The following PTPRN2 variants were observed in gnomAD, a reference collection of about 807,000 sequenced individuals.
PTPRN2 encodes receptor-type tyrosine-protein phosphatase N2.
In PTPRN2, 74 loss-of-function variants were observed where a neutral mutation model predicts 118.8. The ratio of observed to expected loss-of-function variants is 0.62; its 90% CI spans 0.52 to 0.76. The LOEUF is 0.76. PTPRN2 is among the 30% of genes least tolerant of loss of function. PTPRN2 has a pLI of 0.00. For synonymous variants in PTPRN2, 641 were observed against 608.0 expected (o/e 1.05, Z -0.80); for missense variants, 1,481 against 1,394.4 (o/e 1.06, Z -0.99).
intron 11 of PTPRN2, among the ~76,000 whole-genome samples, chr7:158,010,765 C>A (rs1320531068): frequency 2.0e-5 from 3 of 152,186 alleles, no homozygotes; most frequent in African/African-American, 4.8e-5. Context: ...TATTTCTCTG[C>A]TGCCTTACAC....
rs765283943 is a variant in PTPRN2 at position 158,157,144 on chromosome 7, G to GC, written c.910+9786dup. Among the ~76,000 whole-genome samples, 45 of 151,716 alleles carry GC rather than the reference G, an allele frequency of 3.0e-4. 1 individual carries two copies. The highest frequency in any genetic ancestry group is 1.2e-3 in the Admixed American group (18 of 15,208). On this transcript the variant is annotated intron_variant, in intron 6 of 22. Coordinates refer to ENST00000389418, the MANE Select transcript of PTPRN2 (RefSeq NM_002847.5). ...CGCCTGTTCCATGTGGCTCTGGAAG[G>GC]CCTCCCCATTGTGCTAACACAGCAG...
chr7:157,598,849 C>G lies in PTPRN2; in HGVS notation c.2419-3534G>C, dbSNP rs1260125406. ...GGCCAAGCATCTGAATGGCGAGGTG[C>G]GGTCATTTCTGAGCGCTTTCTCCCC... On this transcript the variant is annotated intron_variant, in intron 16 of 22. Coordinates refer to ENST00000389418, the MANE Select transcript of PTPRN2 (RefSeq NM_002847.5). This position sits in a 1 kb window ranked among gnomAD's most constrained non-coding sequence, Gnocchi z 5.2. Among the ~76,000 whole-genome samples, 2 of 152,116 alleles carry G rather than the reference C, an allele frequency of 1.3e-5. No homozygotes were observed. Among genetic ancestry groups the G allele is most frequent in the African/African-American group, 4.8e-5 (2 of 41,396 alleles).
intron 10 of PTPRN2, among the ~76,000 whole-genome samples, chr7:158,103,449 T>C (rs1286658047): frequency 1.3e-5 from 2 of 152,216 alleles, no homozygotes; most frequent in Non-Finnish European, 2.9e-5. Context: ...TCAGGAAAAC[T>C]GCACTTTCTG....
intron 2 of PTPRN2, among the ~76,000 whole-genome samples, chr7:158,361,936 C>A (rs1451792711): frequency 2.0e-5 from 3 of 152,184 alleles, no homozygotes; most frequent in Non-Finnish European, 4.4e-5. Flanking sequence ...CTGGACCCTG[C>A]CTATGGAGCT....
chr7:157,680,200 A>G (rs1245135732), intron 13 of PTPRN2, among the ~76,000 whole-genome samples: 2 of 152,216 alleles, frequency 1.3e-5, no homozygotes, highest in African/African-American at 4.8e-5. Flanking sequence ...CCCATGAAAT[A>G]AAGCATAAGA....
In PTPRN2 at chr7:158,438,170, G is replaced by A. The variant is rs888114142; in HGVS notation, c.163+51565C>T. Among the ~76,000 whole-genome samples, 1 of 152,152 alleles carries A rather than the reference G, an allele frequency of 6.6e-6. No individual in the cohort carries two copies. The highest frequency in any genetic ancestry group is 1.5e-5 in the Non-Finnish European group (1 of 68,024). On this transcript the variant is annotated intron_variant, in intron 2 of 22. Coordinates refer to ENST00000389418, the MANE Select transcript of PTPRN2 (RefSeq NM_002847.5). This position sits in a 1 kb window ranked among gnomAD's most constrained non-coding sequence, Gnocchi z 4.7. ...AGGTGGGCGGATCACCTGAGGTCAG[G>A]AATTTGAGACCAGCCTGGCCAACAT...
At chr7:157,644,568 CA>C (rs774677840) in intron 14 of PTPRN2, among the ~76,000 whole-genome samples, 2 of 152,176 alleles carry the variant, frequency 1.3e-5, no homozygotes, top group African/African-American at 4.8e-5. Flanking sequence ...GAGGCTGAGG[CA>C]GGCGGATCAC....
chr7:158,417,246 CTGTGT>C (rs1814750580), intron 2 of PTPRN2, among the ~76,000 whole-genome samples: 1 of 152,162 alleles, frequency 6.6e-6, no homozygotes, highest in South Asian at 2.1e-4. Flanking sequence ...CAGTGTCCTG[CTGTGT>C]TAAGTCATGG....
chr7:158,070,907 G>A (rs1219891004), intron 11 of PTPRN2, among the ~76,000 whole-genome samples: 1 of 134,592 alleles, frequency 7.4e-6, no homozygotes, highest in Non-Finnish European at 1.6e-5. Flanking sequence ...TGGTAGTGGA[G>A]GTGCCCATGG....
chr7:158,494,200 G>A (rs908355203), intron 1 of PTPRN2, among the ~76,000 whole-genome samples: 10 of 152,196 alleles, frequency 6.6e-5, no homozygotes, highest in African/African-American at 9.7e-5. Context: ...GAGGAAGCTC[G>A]GCACATCCTG....
chr7:158,179,681 G>A (rs995020495), intron 5 of PTPRN2, among the ~76,000 whole-genome samples: 2 of 152,094 alleles, frequency 1.3e-5, no homozygotes, highest in African/African-American at 4.8e-5. Flanking sequence ...AGATAATGAG[G>A]TAGGAGGCAG....
In PTPRN2 at chr7:157,986,819, G is replaced by A. The variant is rs950843547; in HGVS notation, c.1724-88082C>T. On this transcript the variant is annotated intron_variant, in intron 11 of 22. Coordinates refer to ENST00000389418, the MANE Select transcript of PTPRN2 (RefSeq NM_002847.5). The surrounding 1 kb of genome is among the most constrained non-coding windows in gnomAD (Gnocchi z 4.5). ...AGACATTTTGGAGCAGGTGGTCGGT[G>A]CCCACCCACTGACAGGAGCTGCCGG... 2.6e-5 allele frequency among the ~76,000 whole-genome samples: 4 copies of A among 152,088 alleles called. No individual in the cohort carries two copies. The highest frequency in any genetic ancestry group is 7.2e-5 in the African/African-American group (3 of 41,414).
intron 3 of PTPRN2, among the ~76,000 whole-genome samples, chr7:158,226,996 ATGAC>A: frequency 6.6e-6 from 1 of 152,134 alleles, no homozygotes; most frequent in East Asian, 1.9e-4. Flanking sequence ...GAAGCTGAAG[ATGAC>A]TGACTGCCAA....
intron 12 of PTPRN2, among the ~76,000 whole-genome samples, chr7:157,846,874 GC>G (rs1808854619): frequency 6.6e-6 from 1 of 151,382 alleles, no homozygotes. Flanking sequence ...CATCACGTGT[GC>G]CCGATGTTTA....
intron 14 of PTPRN2, among the ~76,000 whole-genome samples, chr7:157,649,751 G>A (rs1481105644): frequency 2.0e-5 from 3 of 150,424 alleles, no homozygotes; most frequent in African/African-American, 4.9e-5. Context: ...TGAACTCGGT[G>A]GGTCAGACCC....
chr7:157,579,952 CTG>C (rs2150530866), intron 17 of PTPRN2, among the ~76,000 whole-genome samples: 1 of 152,368 alleles, frequency 6.6e-6, no homozygotes, highest in East Asian at 1.9e-4. Context: ...ATTTCTCCAT[CTG>C]TTTCCAGCCT....
chr7:157,677,903 C>A (rs571196914), intron 13 of PTPRN2, among the ~76,000 whole-genome samples: 2 of 152,118 alleles, frequency 1.3e-5, no homozygotes, highest in African/African-American at 4.8e-5. Context: ...GAGGGAGGCA[C>A]GGCCTTGCCC....
At chr7:157,650,763 G>A (rs1029682351) in intron 14 of PTPRN2, among the ~76,000 whole-genome samples, 2 of 152,232 alleles carry the variant, frequency 1.3e-5, no homozygotes, top group African/African-American at 4.8e-5. Context: ...TGGGGTGCAG[G>A]GGACCCCAGC....
At chr7:157,665,744 T>C (rs191237230) in intron 13 of PTPRN2, among the ~76,000 whole-genome samples, 23 of 152,330 alleles carry the variant, frequency 1.5e-4, no homozygotes, top group Admixed American at 1.4e-3. Context: ...CAAATGTCCA[T>C]CAATGATAGA....
Sources: allele counts gnomAD v4.1 joint callset (sites outside exome capture counted in the v4.1 genomes callset), GRCh38; gene constraint gnomAD v4.1.1; non-coding constraint Gnocchi (gnomAD v3.1); transcripts MANE v1.5; gene names NCBI Gene and HGNC (gene_info 2026-07-23, HGNC 2026-07-21).